The following ZFP64 variants were observed in gnomAD, a reference collection of about 807,000 sequenced individuals.
ZFP64 encodes ZFP64 zinc finger protein, also known as zinc finger protein 64.
ZFP64 carries 14 observed loss-of-function variants against 51.6 expected under a neutral mutation model. That is an observed-to-expected ratio of 0.27 (90% CI 0.18 to 0.42). ZFP64 has a LOEUF of 0.42. Ranked by LOEUF, ZFP64 falls within the 10% of genes least tolerant of loss-of-function variation. The pLI, the probability that ZFP64 is intolerant of heterozygous loss-of-function variation, is 1.00. For synonymous variants in ZFP64, 375 were observed against 361.4 expected (o/e 1.04, Z -0.43); for missense variants, 754 against 906.8 (o/e 0.83, Z 2.16).
At chr20:52,105,092 G>A in intron 5 of ZFP64, 1 of 1,391,298 alleles carries the variant, frequency 7.2e-7, no homozygotes, top group Non-Finnish European at 9.2e-7. Context: ...CTGAGCACCG[G>A]CCCCCAGCCC....
At chr20:52,173,499 G>A (rs1982918972) in intron 2 of ZFP64, among the ~76,000 whole-genome samples, 1 of 152,130 alleles carries the variant, frequency 6.6e-6, no homozygotes, top group Admixed American at 6.6e-5. Context: ...GAGGTGGAAG[G>A]ATGGCTTAAG....
At chr20:52,172,251 A>C (rs1471398111) in intron 2 of ZFP64, among the ~76,000 whole-genome samples, 1 of 151,188 alleles carries the variant, frequency 6.6e-6, no homozygotes, top group Non-Finnish European at 1.5e-5. Context: ...AGTCAGATTG[A>C]CCCTGGGCCA....
chr20:52,134,885 T>G (rs1296410806), intron 5 of ZFP64, among the ~76,000 whole-genome samples: 3 of 152,106 alleles, frequency 2.0e-5, no homozygotes, highest in Non-Finnish European at 4.4e-5. Flanking sequence ...TTTTTTGAAA[T>G]GGGGTCTCAC....
At chr20:52,109,014 T>A (rs1007621638) in intron 5 of ZFP64, among the ~76,000 whole-genome samples, 2 of 152,164 alleles carry the variant, frequency 1.3e-5, no homozygotes, top group African/African-American at 4.8e-5. Flanking sequence ...GGTTGACTAT[T>A]CTGTTGAAAT....
rs1444805332 is a variant in ZFP64, at chr20:52,135,756, T to C, written c.763+24367A>G. ...CTCCTGCCTCAGCCTCCCAGAGTGC[T>C]GGAATTACAGGCATGAGCCACTGCG... is the stretch of plus-strand genomic sequence containing the variant. On this transcript the variant is annotated intron_variant, in intron 5 of 8. Coordinates refer to the ZFP64 transcript ENST00000361387. Among the ~76,000 whole-genome samples the C allele has an allele frequency of 2.6e-5, 4 of 152,050 alleles. No individual in the cohort carries two copies. In the East Asian group the frequency reaches 7.8e-4, roughly 30 times the overall value.
intron 6 of ZFP64, chr20:52,097,487 CTCTG>C (rs138129111): frequency 0.07 from 106,727 of 1,533,564 alleles, 4,246 homozygotes; most frequent in South Asian, 0.11. Flanking sequence ...CAGAGTTTTG[CTCTG>C]TCGCCCAGGC....
downstream of ZFP64, among the ~76,000 whole-genome samples, chr20:52,148,147 C>T (rs1338853671): frequency 6.6e-6 from 1 of 152,046 alleles, no homozygotes; most frequent in Non-Finnish European, 1.5e-5. Context: ...TTGCTAAGAA[C>T]ATTTTGGAAA....
chr20:52,124,609 T>C (rs1311472258), intron 5 of ZFP64, among the ~76,000 whole-genome samples: 1 of 146,402 alleles, frequency 6.8e-6, no homozygotes, highest in Non-Finnish European at 1.5e-5. Context: ...CATTTTTTAC[T>C]TTATTATTTT....
At chr20:52,158,699 C>G (rs6021758) in intron 5 of ZFP64, among the ~76,000 whole-genome samples, 5,326 of 152,066 alleles carry the variant, frequency 0.035, 294 homozygotes, top group African/African-American at 0.12. Flanking sequence ...GAGTGAGACT[C>G]CATCTCAAAA....
chr20:52,144,540 A>G (rs1480786048), intron 5 of ZFP64, among the ~76,000 whole-genome samples: 3 of 134,888 alleles, frequency 2.2e-5, no homozygotes, highest in Middle Eastern at 4.2e-3. Flanking sequence ...AGATCGCGCC[A>G]CTGCACTCCA....
chr20:52,172,658 G>T (rs529815349), intron 2 of ZFP64, among the ~76,000 whole-genome samples: 1 of 152,052 alleles, frequency 6.6e-6, no homozygotes, highest in African/African-American at 2.4e-5. Context: ...ATATTCTCTA[G>T]TCCCTCTTTT....
At chr20:52,084,547 T>C (rs764876176) in exon 9 of ZFP64, 1 of 1,606,956 alleles carries the variant, frequency 6.2e-7, no homozygotes, top group South Asian at 1.1e-5. Context: ...GACCACCCTC[T>C]TCGGCTGAGC....
In ZFP64 at chr20:52,177,701, T is replaced by G. The variant is rs150813398; in HGVS notation, c.286+9131A>C. On this transcript the variant is annotated intron_variant, in intron 2 of 5. Coordinates refer to ENST00000216923, the MANE Select transcript of ZFP64 (RefSeq NM_018197.3). The stretch of plus-strand genomic sequence containing the variant: ...TTCTGGCTATGAGAGATAATATGTG[T>G]CTTTAACTGTTGTGCACACTTTTAG... Among the ~76,000 whole-genome samples, 805 of 151,848 alleles carry G rather than the reference T, an allele frequency of 5.3e-3. 6 individuals carry two copies. The highest frequency in any genetic ancestry group is 0.018 in the African/African-American group (753 of 41,420).
intron 5 of ZFP64, among the ~76,000 whole-genome samples, chr20:52,123,718 C>T (rs1456989090): frequency 6.6e-6 from 1 of 152,092 alleles, no homozygotes; most frequent in African/African-American, 2.4e-5. Context: ...ACTACCTGGG[C>T]CTCATAAACA....
chr20:52,170,323 G>A (rs1006300293), intron 2 of ZFP64, among the ~76,000 whole-genome samples: 3 of 150,884 alleles, frequency 2.0e-5, no homozygotes, highest in South Asian at 2.1e-4. Flanking sequence ...GTGGTGGTGC[G>A]CACCTGTAGT....
intron 5 of ZFP64, among the ~76,000 whole-genome samples, chr20:52,102,204 C>T (rs2079060457): frequency 6.6e-6 from 1 of 151,496 alleles, no homozygotes; most frequent in Non-Finnish European, 1.5e-5. Flanking sequence ...TTCCTGAGCA[C>T]AGCACATTAC....
At chr20:52,172,798 A>C (rs1418691282) in intron 2 of ZFP64, among the ~76,000 whole-genome samples, 1 of 151,984 alleles carries the variant, frequency 6.6e-6, no homozygotes, top group Non-Finnish European at 1.5e-5. Flanking sequence ...GTGAGATCAG[A>C]CCCTGTCCCC....
intron 5 of ZFP64, among the ~76,000 whole-genome samples, chr20:52,105,865 C>T (rs1458750506): frequency 1.3e-5 from 2 of 152,024 alleles, no homozygotes; most frequent in African/African-American, 4.8e-5. Flanking sequence ...AAAGCCGTCT[C>T]CCTCCCTCAC....
chr20:52,106,828 A>G, intron 5 of ZFP64, among the ~76,000 whole-genome samples: 3 of 152,182 alleles, frequency 2.0e-5, no homozygotes, highest in Non-Finnish European at 4.4e-5. Flanking sequence ...CGGGTGCGGT[A>G]GCTCACTCCT....
Sources: gnomAD v4.1 joint callset for allele counts (sites outside exome capture counted in the v4.1 genomes callset) on GRCh38, gnomAD v4.1.1 for gene constraint, MANE v1.5 for transcripts, NCBI Gene and HGNC (gene_info 2026-07-23, HGNC 2026-07-21) for gene names.